LRRC9: variants seen among roughly 807,000 people sequenced by gnomAD.
LRRC9 encodes leucine rich repeat containing 9.
LRRC9 carries 122 observed loss-of-function variants against 63.2 expected under a neutral mutation model. The ratio of observed to expected loss-of-function variants is 1.93; its 90% confidence interval spans 1.67 to 2.24. The LOEUF is 2.24. Ranked by LOEUF, LRRC9 falls within the 30% of genes most tolerant of loss-of-function variation. The probability of loss-of-function intolerance (pLI) is 0.00; values close to 1 mark genes in which losing one functional copy is unlikely to be tolerated. For synonymous variants in LRRC9, 366 were observed against 213.1 expected (o/e 1.72, Z -6.25); for missense variants, 1,071 against 627.7 (o/e 1.71, Z -7.55).
chr14:59,944,549 G>T (rs776946923), intron 7 of LRRC9, 40 bp from the exon 8 acceptor site: 35 of 536,568 alleles, frequency 6.5e-5, no homozygotes, highest in South Asian at 2.6e-4. Context: ...CCTATAATTT[G>T]TTTTAGCTAA....
At chr14:60,029,810 T>C (rs1371626555) in intron 28 of LRRC9, among the ~76,000 whole-genome samples, 2 of 152,146 alleles carry the variant, frequency 1.3e-5, no homozygotes, top group Admixed American at 6.6e-5. Context: ...GTGAGCATTA[T>C]TGATTATTTA....
At chr14:60,001,941 C>A in intron 19 of LRRC9, 25 bp from the exon 20 acceptor site, 1 of 627,180 alleles carries the variant, frequency 1.6e-6, no homozygotes, top group South Asian at 1.9e-5. Flanking sequence ...TTCCTTTTTT[C>A]ACTGTATTTT....
chr14:59,924,672 A>C lies in LRRC9; in HGVS notation c.-33-3239A>C, dbSNP rs577047028. Reference sequence around the variant, plus strand: ...AGTGATCTTTTTCAATACTTATGACAGTTCTTGTTACTCTTCAACTCAAAT... The same window carrying C: ...AGTGATCTTTTTCAATACTTATGACCGTTCTTGTTACTCTTCAACTCAAAT... On this transcript the variant is annotated intron_variant, in intron 1 of 31. Transcript: ENST00000445360. Among the ~76,000 whole-genome samples the C allele has an allele frequency of 3.3e-5, 5 of 152,288 alleles. No individual in the cohort carries two copies. In the South Asian group the frequency reaches 6.2e-4, roughly 19 times the overall value.
At chr14:60,014,479 T>C (rs887724229) in intron 23 of LRRC9, among the ~76,000 whole-genome samples, 1 of 152,020 alleles carries the variant, frequency 6.6e-6, no homozygotes, top group Non-Finnish European at 1.5e-5. Context: ...CCTATGAGAA[T>C]GTCTTGCTTT....
chr14:60,011,211 A>C (rs219381), intron 23 of LRRC9, among the ~76,000 whole-genome samples: 4 of 152,038 alleles, frequency 2.6e-5, no homozygotes, highest in Admixed American at 6.5e-5. Context: ...GAAGAGCAAA[A>C]GCAGGTCTTA....
At chr14:59,961,493 G>A (rs929983982) in intron 10 of LRRC9, among the ~76,000 whole-genome samples, 4 of 152,208 alleles carry the variant, frequency 2.6e-5, no homozygotes, top group African/African-American at 9.6e-5. Flanking sequence ...GCCAACATGG[G>A]AGGAGACTGT....
In LRRC9 at chr14:59,962,570, T is replaced by C. The variant is rs989728723; in HGVS notation, c.1211+1525T>C. ...AGGTGCATGCCACCACACCCACTAATTTTTGTATTTTTAGTGGAGACGGGG... is the reference window on the plus strand; with the variant it reads ...AGGTGCATGCCACCACACCCACTAACTTTTGTATTTTTAGTGGAGACGGGG... On this transcript the variant is annotated intron_variant, in intron 10 of 31. Coordinates refer to ENST00000445360, the Ensembl canonical transcript of LRRC9. This position sits in a 1 kb window ranked among gnomAD's most constrained non-coding sequence, Gnocchi z 5.1. Among the ~76,000 whole-genome samples the C allele has an allele frequency of 6.6e-6, 1 of 152,040 alleles. No homozygotes were observed. Among genetic ancestry groups the C allele is most frequent in the African/African-American group, 2.4e-5 (1 of 41,392 alleles).
intron 12 of LRRC9, among the ~76,000 whole-genome samples, chr14:59,971,791 C>A (rs529863675): frequency 3.9e-5 from 6 of 152,078 alleles, no homozygotes. Flanking sequence ...TCCCTAATCC[C>A]ATTGCCTGCG....
chr14:59,927,015 C>G lies in LRRC9; in HGVS notation c.-33-896C>G, dbSNP rs1381794937. ...CTTTTCCATTTTTGCCTAGATCTCT[C>G]CCATCCAGCTTTACATTTGTATTCT... On this transcript the variant is annotated intron_variant, in intron 1 of 31. Coordinates refer to ENST00000445360, the Ensembl canonical transcript of LRRC9. This position sits in a 1 kb window ranked among gnomAD's most constrained non-coding sequence, Gnocchi z 4.4. Among the ~76,000 whole-genome samples, 1 of 152,100 alleles carries G rather than the reference C, an allele frequency of 6.6e-6. No homozygotes were observed. The highest frequency in any genetic ancestry group is 1.5e-5 in the Non-Finnish European group (1 of 67,970).
intron 1 of LRRC9, among the ~76,000 whole-genome samples, chr14:59,921,497 A>C (rs1888772086): frequency 6.6e-6 from 1 of 152,188 alleles, no homozygotes. Context: ...AGGTATATGC[A>C]GAAGGATTTA....
Position 59,966,707 on chromosome 14 carries a change from C to A in LRRC9, c.1330C>A (p.Leu444Ile). Residue 444 changes from leucine (L) to isoleucine (I), a missense_variant, in exon 11 of 32, where the codon CTA becomes ATA. Coordinates refer to ENST00000445360, the Ensembl canonical transcript of LRRC9. This position sits in a 1 kb window ranked among gnomAD's most constrained non-coding sequence, Gnocchi z 4.0. ...TAAAGTTAACAACCGTATTCTGAGA[C>A]TAAAATTCGAAGAGAAATTTCAAAA... 1 of 689,350 alleles carries A rather than the reference C, an allele frequency of 1.5e-6. No individual in the cohort carries two copies. Among genetic ancestry groups the A allele is most frequent in the Non-Finnish European group, 2.6e-6 (1 of 378,128 alleles). The allele number at this position is 689,350 out of a possible 1,614,324, so 42.7% of individuals were successfully genotyped here.
intron 29 of LRRC9, among the ~76,000 whole-genome samples, chr14:60,043,028 T>C (rs903399694): frequency 3.3e-5 from 5 of 152,238 alleles, no homozygotes; most frequent in African/African-American, 1.2e-4. Flanking sequence ...GTTAGATTGA[T>C]TCCTAGGTAT....
Position 60,049,766 on chromosome 14 carries a change from G to C in LRRC9, c.3991-3299G>C, listed in dbSNP as rs150567777. ...GATCTTTTTATGGAGTATCTTACTG[G>C]GGTTCTCTGAATTTCCTAAATTTGA... On this transcript the variant is annotated intron_variant, in intron 29 of 31. Coordinates refer to ENST00000445360, the Ensembl canonical transcript of LRRC9. Among the ~76,000 whole-genome samples the C allele has an allele frequency of 2.2e-4, 34 of 152,036 alleles. No homozygotes were observed. The East Asian group carries it at 6.4e-3, about 29-fold the overall frequency.
intron 1 of LRRC9, among the ~76,000 whole-genome samples, chr14:59,925,196 C>T (rs1311152660): frequency 6.6e-6 from 1 of 152,126 alleles, no homozygotes; most frequent in Non-Finnish European, 1.5e-5. Flanking sequence ...TGGGTCCCAT[C>T]CCTCCTTCTT....
chr14:60,034,373 T>A (rs760957934), intron 29 of LRRC9, among the ~76,000 whole-genome samples: 1 of 152,176 alleles, frequency 6.6e-6, no homozygotes, highest in Non-Finnish European at 1.5e-5. Context: ...TTTCATTTAT[T>A]TTTAAAAATT....
chr14:59,926,176 G>A (rs1294471821), intron 1 of LRRC9, among the ~76,000 whole-genome samples: 1 of 152,152 alleles, frequency 6.6e-6, no homozygotes, highest in Non-Finnish European at 1.5e-5. Flanking sequence ...ACTCTGGTTT[G>A]TGTTAATGGG....
intron 12 of LRRC9, 62 bp from the exon 13 acceptor site, chr14:59,974,514 G>C (rs1374308939): frequency 1.9e-6 from 1 of 531,218 alleles, no homozygotes; most frequent in Non-Finnish European, 3.3e-6. Flanking sequence ...TAAACCCTCT[G>C]TATTGAAGTT....
At chr14:60,011,345 C>T (rs1441564672) in intron 23 of LRRC9, among the ~76,000 whole-genome samples, 1 of 152,176 alleles carries the variant, frequency 6.6e-6, no homozygotes, top group Non-Finnish European at 1.5e-5. Flanking sequence ...ATTCACTTAC[C>T]TCCCACTGGG....
At chr14:59,989,283 T>C (rs143131501) in intron 17 of LRRC9, among the ~76,000 whole-genome samples, 1 of 152,160 alleles carries the variant, frequency 6.6e-6, no homozygotes, top group East Asian at 1.9e-4. Context: ...GGGACTCCCA[T>C]TATCCATATG....
Sources: gnomAD v4.1 joint callset for allele counts (sites outside exome capture counted in the v4.1 genomes callset) on GRCh38, gnomAD v4.1.1 for gene constraint, Gnocchi (gnomAD v3.1) non-coding constraint, MANE v1.5 for transcripts, NCBI Gene and HGNC (gene_info 2026-07-23, HGNC 2026-07-21) for gene names.